The following GMDS variants were observed in gnomAD, a reference collection of about 807,000 sequenced individuals.
GMDS encodes GDP-mannose 4,6-dehydratase.
Under a neutral mutation model 49.9 loss-of-function variants are expected in GMDS, and 20 were observed. The observed-to-expected ratio is 0.40, with a 90% confidence interval of 0.28 to 0.58. The LOEUF (loss-of-function observed/expected upper bound fraction) is 0.58. Among genes scored for constraint, GMDS ranks in the 20% least tolerant of loss-of-function variants. GMDS has a pLI of 0.42. For missense variants in GMDS, 362 were observed against 481.4 expected (o/e 0.75, Z 2.32); for synonymous variants, 177 against 178.6 (o/e 0.99, Z 0.07).
intron 7 of GMDS, among the ~76,000 whole-genome samples, chr6:1,789,597 G>A (rs1354842866): frequency 6.8e-6 from 1 of 147,950 alleles, no homozygotes; most frequent in East Asian, 2.0e-4. Context: ...GCACAGTGGT[G>A]CGATCACGGC....
intron 7 of GMDS, among the ~76,000 whole-genome samples, chr6:1,878,266 GATTGCA>G (rs1759188975): frequency 7.9e-6 from 1 of 126,696 alleles, no homozygotes; most frequent in African/African-American, 3.0e-5. Context: ...AGTGAGCCGA[GATTGCA>G]CCACTGCACT....
Position 2,025,357 on chromosome 6 carries a change from GGTGTGTGTGTGTGTGTGT to G in GMDS, c.346-64409_346-64392del, listed in dbSNP as rs200096039. ...ATTAGTTCTGTAAATCTGATGGTGGGGTGTGTGTGTGTGTGTGTGTGTGTGTGTGTGTGTGTGTGTGTG... is the reference window on the plus strand; with the variant it reads ...ATTAGTTCTGTAAATCTGATGGTGGGGTGTGTGTGTGTGTGTGTGTGTGTG... On this transcript the variant is annotated intron_variant, in intron 4 of 10. Transcript: ENST00000380815. Among the ~76,000 whole-genome samples the G allele has an allele frequency of 2.7e-4, 37 of 136,658 alleles. No homozygotes were observed. The South Asian group carries it at 2.7e-3, about 10-fold the overall frequency. The allele number at this position is 136,658 out of a possible 152,430, so 89.7% of individuals were successfully genotyped here. A position where few individuals can be genotyped will look rare whatever the true frequency, so the allele number is the denominator to read the frequency against.
Position 1,722,177 on chromosome 6 carries a change from C to T in GMDS, c.987+4239G>A, listed in dbSNP as rs188090923. Among the ~76,000 whole-genome samples the T allele has an allele frequency of 4.3e-3, 634 of 149,134 alleles. 3 individuals carry two copies. The highest frequency in any genetic ancestry group is 0.015 in the African/African-American group (607 of 40,586). On this transcript the variant is annotated intron_variant, in intron 9 of 10. Coordinates refer to ENST00000380815, the MANE Select transcript of GMDS (RefSeq NM_001500.4). Reference sequence around the variant, plus strand: ...CACCTCCCGGGTTCCCACCATTCTCCTGCCTCAGCCTCCCCAGTAGCTGTG... The same window carrying T: ...CACCTCCCGGGTTCCCACCATTCTCTTGCCTCAGCCTCCCCAGTAGCTGTG...
chr6:1,941,830 C>A lies in GMDS; in HGVS notation c.644-11600G>T, dbSNP rs142831334. ...ACAGCTCCTCCAGGGCACAGGAGAG[C>A]AGGTAGGGAGAACACAAACGCAGGA... On this transcript the variant is annotated intron_variant, in intron 6 of 10. Transcript: ENST00000380815. Among the ~76,000 whole-genome samples, 643 of 152,238 alleles carry A rather than the reference C, an allele frequency of 4.2e-3. 5 individuals are homozygous for A. The highest frequency in any genetic ancestry group is 0.015 in the African/African-American group (617 of 41,538).
chr6:2,042,287 T>C (rs545046543), intron 4 of GMDS, among the ~76,000 whole-genome samples: 143 of 152,284 alleles, frequency 9.4e-4, no homozygotes, highest in Admixed American at 2.4e-3. Flanking sequence ...TATTAAAAAT[T>C]ATCCACAACG....
chr6:2,145,937 T>C lies in GMDS; in HGVS notation c.103-21206A>G, dbSNP rs116384509. Among the ~76,000 whole-genome samples the C allele has an allele frequency of 5.7e-3, 867 of 152,322 alleles. 2 individuals are homozygous for C. The highest frequency in any genetic ancestry group is 0.017 in the Middle Eastern group (5 of 294). ...TCTCATATACGGGACTAAGCACCCA[T>C]GAGGGTTCCTGGAACCAATCGCTCA... On this transcript the variant is annotated intron_variant, in intron 1 of 10. Transcript: ENST00000380815.
At chr6:1,629,702 C>T (rs1056315711) in intron 9 of GMDS, among the ~76,000 whole-genome samples, 40 of 152,168 alleles carry the variant, frequency 2.6e-4, no homozygotes, top group African/African-American at 8.2e-4. Context: ...TAGATGACTC[C>T]GGACGTGCGG....
intron 7 of GMDS, among the ~76,000 whole-genome samples, chr6:1,868,646 G>A (rs1758561308): frequency 6.6e-6 from 1 of 152,194 alleles, no homozygotes; most frequent in Non-Finnish European, 1.5e-5. Flanking sequence ...TCACCAAAGT[G>A]GCATAGTTGG....
intron 4 of GMDS, among the ~76,000 whole-genome samples, chr6:1,967,630 C>T (rs1289327591): frequency 1.3e-5 from 2 of 152,122 alleles, no homozygotes; most frequent in Non-Finnish European, 2.9e-5. Flanking sequence ...TAGACATACT[C>T]GAAGTGCAGG....
chr6:1,722,383 G>A (rs937366598), intron 9 of GMDS, among the ~76,000 whole-genome samples: 4 of 151,718 alleles, frequency 2.6e-5, no homozygotes, highest in Non-Finnish European at 5.9e-5. Flanking sequence ...CACCGCGCCC[G>A]GCCAAACTGC....
chr6:1,732,101 G>A (rs1035689529), intron 8 of GMDS, among the ~76,000 whole-genome samples: 3 of 152,202 alleles, frequency 2.0e-5, no homozygotes, highest in African/African-American at 7.2e-5. Flanking sequence ...GCCGAGGCAT[G>A]TGGATCACAA....
intron 9 of GMDS, among the ~76,000 whole-genome samples, chr6:1,688,136 C>A (rs1242312219): frequency 1.3e-5 from 2 of 152,064 alleles, no homozygotes; most frequent in Non-Finnish European, 2.9e-5. Context: ...GGGTTGATTT[C>A]CGAAGGAGAG....
At chr6:2,001,614 C>T (rs1766822263) in intron 4 of GMDS, among the ~76,000 whole-genome samples, 1 of 152,134 alleles carries the variant, frequency 6.6e-6, no homozygotes, top group African/African-American at 2.4e-5. Flanking sequence ...AGTTGGAGGA[C>T]TCACACTTCC....
At chr6:1,874,062 C>T (rs968127321) in intron 7 of GMDS, among the ~76,000 whole-genome samples, 4 of 152,208 alleles carry the variant, frequency 2.6e-5, no homozygotes, top group Non-Finnish European at 2.9e-5. Context: ...AACAGGGCAC[C>T]GGCCTCCAGA....
intron 7 of GMDS, among the ~76,000 whole-genome samples, chr6:1,929,640 C>G (rs1035484866): frequency 6.8e-6 from 1 of 147,004 alleles, no homozygotes; most frequent in African/African-American, 2.5e-5. Context: ...GATGTAATAA[C>G]CAGACTCTTC....
intron 7 of GMDS, among the ~76,000 whole-genome samples, chr6:1,742,924 T>C (rs577251097): frequency 6.6e-6 from 1 of 152,310 alleles, no homozygotes; most frequent in Admixed American, 6.5e-5. Context: ...AAGCAGTGTC[T>C]ATGGCAAATA....
In GMDS at chr6:1,782,971, T is replaced by C. The variant is rs748704664; in HGVS notation, c.772-40385A>G. On this transcript the variant is annotated intron_variant, in intron 7 of 10. Coordinates refer to ENST00000380815, the MANE Select transcript of GMDS (RefSeq NM_001500.4). Reference sequence around the variant, plus strand: ...GAGTTTGAGACCAGCCTGGGCAACATAGTGGGACTCCATCTTTACAAAAAA... The same window carrying C: ...GAGTTTGAGACCAGCCTGGGCAACACAGTGGGACTCCATCTTTACAAAAAA... Among the ~76,000 whole-genome samples, 11 of 151,648 alleles carry C rather than the reference T, an allele frequency of 7.3e-5. No individual in the cohort carries two copies. The East Asian group carries it at 1.4e-3, about 19-fold the overall frequency.
chr6:2,211,475 G>C (rs536688454), intron 1 of GMDS, among the ~76,000 whole-genome samples: 44 of 152,150 alleles, frequency 2.9e-4, no homozygotes, highest in African/African-American at 9.9e-4. Flanking sequence ...TAATTTGCAT[G>C]TTAAACTTTA....
At chr6:2,202,034 C>T (rs1484421918) in intron 1 of GMDS, among the ~76,000 whole-genome samples, 1 of 139,486 alleles carries the variant, frequency 7.2e-6, no homozygotes, top group Admixed American at 7.3e-5. Flanking sequence ...GAGATGAAAC[C>T]ATCTAGGCAG....
Sources: gnomAD v4.1 joint callset for allele counts (sites outside exome capture counted in the v4.1 genomes callset) on GRCh38, gnomAD v4.1.1 for gene constraint, MANE v1.5 for transcripts, NCBI Gene and HGNC (gene_info 2026-07-23, HGNC 2026-07-21) for gene names.